PM20D2: variants seen among roughly 807,000 people sequenced by gnomAD.
The protein encoded by PM20D2 is xaa-Arg dipeptidase.
In PM20D2, 33 loss-of-function variants were observed where a neutral mutation model predicts 42.9. The ratio of observed to expected loss-of-function variants is 0.77; its 90% CI spans 0.58 to 1.03. PM20D2 has a LOEUF of 1.03. Among genes scored for constraint, PM20D2 ranks in the 50% least tolerant of loss-of-function variants. The pLI is 0.00. For missense variants in PM20D2, 548 were observed against 557.0 expected (o/e 0.98, Z 0.16); for synonymous variants, 250 against 228.2 (o/e 1.10, Z -0.86).
chr6:89,099,591 A>G, the PM20D2 span, among the ~76,000 whole-genome samples: 1 of 147,674 alleles, frequency 6.8e-6, no homozygotes, highest in Admixed American at 6.9e-5. Flanking sequence ...GCTAGAGTGC[A>G]ATGGCACGAT....
At chr6:89,161,996 A>G in intron 6 of PM20D2, 106 bp downstream of exon 6, 1 of 1,478,884 alleles carries the variant, frequency 6.8e-7, no homozygotes, top group Non-Finnish European at 9.4e-7. Flanking sequence ...ACCTCAGTAA[A>G]TACTGCACTG....
the PM20D2 span, among the ~76,000 whole-genome samples, chr6:89,127,832 G>A: frequency 3.0e-4 from 45 of 152,192 alleles, no homozygotes. Flanking sequence ...GGACCGGCTG[G>A]AGCCGCAGCA....
the PM20D2 span, chr6:89,105,264 G>T: frequency 1.2e-6 from 2 of 1,603,132 alleles, no homozygotes; most frequent in South Asian, 1.1e-5. Context: ...CCTGGTGCTG[G>T]AACATAAAGA....
the PM20D2 span, chr6:89,117,933 TC>T: frequency 7.9e-6 from 12 of 1,528,110 alleles, no homozygotes; most frequent in Middle Eastern, 1.7e-4. Flanking sequence ...GCCGCTGGAC[TC>T]GCTCCGTCTC....
At chr6:89,138,021 C>G in the PM20D2 span, among the ~76,000 whole-genome samples, 2 of 151,330 alleles carry the variant, frequency 1.3e-5, no homozygotes, top group Admixed American at 6.6e-5. Flanking sequence ...TTGTACTAAC[C>G]CTTGGTATTT....
At chr6:89,126,065 G>A in the PM20D2 span, among the ~76,000 whole-genome samples, 96,452 of 151,268 alleles carry the variant, frequency 0.64, 31,727 homozygotes, top group South Asian at 0.76. Flanking sequence ...CAGCCGGGGC[G>A]ACAGAGTGAA....
At chr6:89,117,934 C>A in the PM20D2 span, 2 of 1,528,670 alleles carry the variant, frequency 1.3e-6, no homozygotes, top group Non-Finnish European at 1.8e-6. Context: ...CCGCTGGACT[C>A]GCTCCGTCTC....
At chr6:89,100,982 A>G in the PM20D2 span, among the ~76,000 whole-genome samples, 112,134 of 151,880 alleles carry the variant, frequency 0.74, 41,480 homozygotes, top group East Asian at 0.84. Flanking sequence ...GTGCATGCCT[A>G]TAATCCCAGC....
rs41273307 is a variant in PM20D2, at chr6:89,163,658, A to T, written c.*1395A>T. The T allele has an allele frequency of 6.6e-6, 1 of 152,178 alleles. No homozygotes were observed. Among genetic ancestry groups the T allele is most frequent in the East Asian group, 1.9e-4 (1 of 5,200 alleles). 9.4% of individuals were successfully genotyped at this position (152,178 alleles called of 1,614,324 possible). ...CTGCACCTGGCCCTGACCATTTTTT[A>T]AAAAGGTTAGGCTTAGTGCAAAGTT... On this transcript the variant is annotated 3_prime_UTR_variant, in exon 7 of 7. Transcript: ENST00000275072.
At chr6:89,119,573 A>G in the PM20D2 span, among the ~76,000 whole-genome samples, 11 of 152,372 alleles carry the variant, frequency 7.2e-5, no homozygotes, top group African/African-American at 2.4e-4. Context: ...TAGGGCTGCC[A>G]TGACAAAGCA....
chr6:89,126,460 T>A, the PM20D2 span, among the ~76,000 whole-genome samples: 1 of 150,834 alleles, frequency 6.6e-6, no homozygotes, highest in African/African-American at 2.4e-5. Flanking sequence ...CCGAGGCGGG[T>A]GGATCACAAG....
chr6:89,117,690 T>A, the PM20D2 span: 24 of 857,380 alleles, frequency 2.8e-5, no homozygotes, highest in Non-Finnish European at 3.8e-5. Context: ...CCTCCCCAAG[T>A]GGCGCAGCCT....
At chr6:89,117,682 T>TC in the PM20D2 span, 2 of 785,614 alleles carry the variant, frequency 2.5e-6, no homozygotes, top group Non-Finnish European at 3.6e-6. Flanking sequence ...GGCTCACACC[T>TC]CCCCAAGTGG....
At chr6:89,115,256 C>T in the PM20D2 span, among the ~76,000 whole-genome samples, 11 of 151,944 alleles carry the variant, frequency 7.2e-5, no homozygotes. Context: ...AGGTGTCATA[C>T]ACCAGGCTAC....
intron 2 of PM20D2, among the ~76,000 whole-genome samples, chr6:89,152,068 C>T (rs1045055468): frequency 6.6e-6 from 1 of 151,026 alleles, no homozygotes; most frequent in African/African-American, 2.4e-5. Context: ...GCACTCCAGC[C>T]AGGGTGACAG....
At chr6:89,121,117 G>C in the PM20D2 span, among the ~76,000 whole-genome samples, 2 of 151,824 alleles carry the variant, frequency 1.3e-5, no homozygotes, top group Admixed American at 1.3e-4. Flanking sequence ...ATGGATAGGG[G>C]GTGTTTTTTC....
At chr6:89,100,673 CAA>C in the PM20D2 span, among the ~76,000 whole-genome samples, 1 of 151,784 alleles carries the variant, frequency 6.6e-6, no homozygotes, top group African/African-American at 2.4e-5. Flanking sequence ...GAGGAAAAGA[CAA>C]AACAGATAAA....
At chr6:89,152,732 AT>A (rs35367725) in intron 2 of PM20D2, among the ~76,000 whole-genome samples, 40,072 of 146,394 alleles carry the variant, frequency 0.27, 5,286 homozygotes, top group Admixed American at 0.33. Context: ...TACAGGATCC[AT>A]TTTTTTTTTT....
At chr6:89,095,200 A>C in the PM20D2 span, among the ~76,000 whole-genome samples, 1 of 152,152 alleles carries the variant, frequency 6.6e-6, no homozygotes, top group Non-Finnish European at 1.5e-5. Flanking sequence ...TTGGAAAACA[A>C]ATCTAATTTT....
Sources: gnomAD v4.1 joint callset for allele counts (sites outside exome capture counted in the v4.1 genomes callset) on GRCh38, gnomAD v4.1.1 for gene constraint, MANE v1.5 for transcripts, NCBI Gene and HGNC (gene_info 2026-07-23, HGNC 2026-07-21) for gene names.